TCF4: variants seen among roughly 807,000 people sequenced by gnomAD.
The protein encoded by TCF4 is SL3-3 enhancer factor 2.
Under a neutral mutation model 82.1 loss-of-function variants are expected in TCF4, and 3 were observed. The observed-to-expected ratio is 0.04, with a 90% CI of 0.02 to 0.09. The LOEUF (loss-of-function observed/expected upper bound fraction) is 0.09, where lower values mean the gene tolerates loss of function less well. TCF4 is among the 10% of genes least tolerant of loss of function. The pLI, the probability that TCF4 is intolerant of heterozygous loss-of-function variation, is 1.00. For synonymous variants in TCF4, 276 were observed against 309.6 expected (o/e 0.89, Z 1.14); for missense variants, 518 against 852.7 (o/e 0.61, Z 4.89).
At chr18:55,563,348 T>A (rs1203337348) in intron 3 of TCF4, among the ~76,000 whole-genome samples, 1 of 151,942 alleles carries the variant, frequency 6.6e-6, no homozygotes, top group African/African-American at 2.4e-5. Context: ...GTCCACTTAA[T>A]CACTGATTGT....
intron 8 of TCF4, among the ~76,000 whole-genome samples, chr18:55,299,436 G>C (rs2067444862): frequency 6.6e-6 from 1 of 151,638 alleles, no homozygotes. Flanking sequence ...GCTTTCTTGG[G>C]GGAGCATGTT....
At chr18:55,242,737 G>T (rs2051689612) in intron 15 of TCF4, among the ~76,000 whole-genome samples, 1 of 151,984 alleles carries the variant, frequency 6.6e-6, no homozygotes. Flanking sequence ...AGCCTCCCCA[G>T]TAGCTGGGAT....
intron 8 of TCF4, among the ~76,000 whole-genome samples, chr18:55,333,887 C>T (rs900814320): frequency 6.6e-5 from 10 of 152,168 alleles, no homozygotes; most frequent in African/African-American, 2.2e-4. Context: ...CCCAGAACAA[C>T]CAGCTCAGAA....
At chr18:55,436,717 A>G (rs1482687823) in intron 5 of TCF4, among the ~76,000 whole-genome samples, 1 of 152,212 alleles carries the variant, frequency 6.6e-6, no homozygotes, top group Non-Finnish European at 1.5e-5. Flanking sequence ...AATGTGAACA[A>G]AACATTACCT....
intron 5 of TCF4, among the ~76,000 whole-genome samples, chr18:55,427,140 G>A (rs2095024518): frequency 6.6e-6 from 1 of 152,072 alleles, no homozygotes; most frequent in African/African-American, 2.4e-5. Context: ...AATCCAACAG[G>A]TTTAATTATT....
intron 3 of TCF4, among the ~76,000 whole-genome samples, chr18:55,569,978 G>A (rs1391912291): frequency 2.0e-5 from 3 of 152,064 alleles, no homozygotes; most frequent in Non-Finnish European, 2.9e-5. Context: ...CACGAAAAGT[G>A]GGGAGGAAGG....
At chr18:55,343,467 C>T (rs1603243089) in intron 8 of TCF4, among the ~76,000 whole-genome samples, 1 of 152,140 alleles carries the variant, frequency 6.6e-6, no homozygotes, top group African/African-American at 2.4e-5. Context: ...CAAAGTCAGA[C>T]AAGAGACAAG....
At chr18:55,323,234 T>C (rs1172142571) in intron 8 of TCF4, among the ~76,000 whole-genome samples, 1 of 152,150 alleles carries the variant, frequency 6.6e-6, no homozygotes, top group African/African-American at 2.4e-5. Flanking sequence ...CCTCTGGGAA[T>C]TGATCCCAAA....
chr18:55,276,025 G>A (rs902866857), intron 9 of TCF4, among the ~76,000 whole-genome samples: 5 of 152,094 alleles, frequency 3.3e-5, no homozygotes, highest in Non-Finnish European at 5.9e-5. Flanking sequence ...ATGTCAAGTC[G>A]CAAGGTAATT....
intron 14 of TCF4, among the ~76,000 whole-genome samples, chr18:55,256,256 T>C (rs2056798690): frequency 6.6e-6 from 1 of 152,170 alleles, no homozygotes. Flanking sequence ...CTGTGGCCCA[T>C]AACTATACAC....
At chr18:55,604,701 G>A (rs1228762723) in intron 2 of TCF4, among the ~76,000 whole-genome samples, 2 of 152,138 alleles carry the variant, frequency 1.3e-5, no homozygotes, top group Admixed American at 6.5e-5. Context: ...TTCTGTAAAG[G>A]ATCAGCAGTA....
At chr18:55,596,796 T>C (rs2097691357) in intron 2 of TCF4, among the ~76,000 whole-genome samples, 1 of 152,146 alleles carries the variant, frequency 6.6e-6, no homozygotes, top group Non-Finnish European at 1.5e-5. Context: ...AGCTGTATAA[T>C]ATACAGTATA....
At chr18:55,411,574 G>C (rs963592682) in intron 5 of TCF4, among the ~76,000 whole-genome samples, 3 of 152,154 alleles carry the variant, frequency 2.0e-5, no homozygotes, top group African/African-American at 7.2e-5. Context: ...GACTTGTGAT[G>C]AGATGGTGAG....
chr18:55,404,152 G>T, intron 5 of TCF4: 1 of 505,710 alleles, frequency 2.0e-6, no homozygotes, highest in Non-Finnish European at 2.7e-6. Flanking sequence ...AGCAGGACAA[G>T]GGATCATGGA....
In TCF4 at chr18:55,229,263, A is replaced by G; in HGVS notation, c.1650-187T>C. 3 of 664,416 alleles carry G rather than the reference A, an allele frequency of 4.5e-6. No individual in the cohort carries two copies. The South Asian group carries it at 5.3e-5, about 12-fold the overall frequency. 41.2% of individuals were successfully genotyped at this position (664,416 alleles called of 1,614,324 possible). On this transcript the variant is annotated intron_variant, in intron 17 of 19. Coordinates refer to ENST00000354452, the MANE Select transcript of TCF4 (RefSeq NM_001083962.2). ...GCTTTGACAGTTCACAATACACAAG[A>G]TATTTGGTTTTCTCGCAGACATTAA... is the stretch of plus-strand genomic sequence containing the variant.
At position 55,531,127 on chromosome 18, in the gene TCF4, T is replaced by G. The variant is rs577878308; in HGVS notation, c.145+54153A>C. The stretch of plus-strand genomic sequence containing the variant: ...CCACCACACCCAGCTAATTTTTTTG[T>G]ATTTTTAGTAGAGATGGGGTTTCAC... On this transcript the variant is annotated intron_variant, in intron 3 of 19. Transcript: ENST00000354452. 4.1e-4 allele frequency among the ~76,000 whole-genome samples: 62 copies of G among 152,136 alleles called. 1 individual carries two copies. Among genetic ancestry groups the G allele is most frequent in the African/African-American group, 1.4e-3 (59 of 41,492 alleles).
chr18:55,294,759 G>A (rs144370909), intron 8 of TCF4, among the ~76,000 whole-genome samples: 1 of 152,108 alleles, frequency 6.6e-6, no homozygotes, highest in African/African-American at 2.4e-5. Flanking sequence ...CTACACCTCA[G>A]TTTCTGCATC....
chr18:55,527,279 C>G (rs1283783552), intron 3 of TCF4, among the ~76,000 whole-genome samples: 1 of 152,094 alleles, frequency 6.6e-6, no homozygotes, highest in African/African-American at 2.4e-5. Flanking sequence ...CGTGGTGGGT[C>G]AAAGAGAGGT....
At chr18:55,619,006 A>G (rs2097715027) in intron 2 of TCF4, among the ~76,000 whole-genome samples, 1 of 151,908 alleles carries the variant, frequency 6.6e-6, no homozygotes, top group Admixed American at 6.6e-5. Flanking sequence ...TTGGTATCAG[A>G]GCAGTGCTGG....
Sources: gnomAD v4.1 joint callset for allele counts (sites outside exome capture counted in the v4.1 genomes callset) on GRCh38, gnomAD v4.1.1 for gene constraint, MANE v1.5 for transcripts, NCBI Gene and HGNC (gene_info 2026-07-23, HGNC 2026-07-21) for gene names.